Variants in RAB10 observed in about 807,000 individuals in gnomAD.
RAB10 encodes the protein ras-related protein Rab-10.
A neutral mutation model predicts 25.7 loss-of-function variants in RAB10; 5 were observed. The observed-to-expected ratio is 0.19, with a 90% CI of 0.10 to 0.41. The LOEUF is 0.41. Ranked by LOEUF, RAB10 falls within the 10% of genes least tolerant of loss-of-function variation. RAB10 has a pLI of 1.00. For missense variants in RAB10, 103 were observed against 245.8 expected (o/e 0.42, Z 3.89); for synonymous variants, 89 against 86.4 (o/e 1.03, Z -0.16).
chr2:26,040,662 A>G (rs977356845), intron 1 of RAB10, among the ~76,000 whole-genome samples: 3 of 152,112 alleles, frequency 2.0e-5, no homozygotes, highest in Non-Finnish European at 4.4e-5. Flanking sequence ...TGTATGATAA[A>G]ACAAAAACAG....
chr2:26,111,024 G>A (rs1667558132), intron 3 of RAB10, among the ~76,000 whole-genome samples: 1 of 152,126 alleles, frequency 6.6e-6, no homozygotes, highest in Non-Finnish European at 1.5e-5. Flanking sequence ...CTTTTTATAA[G>A]TTAAAATTAT....
rs1302762122 is a variant in RAB10, at chr2:26,059,058, A to T, written c.127+24323A>T. On this transcript the variant is annotated intron_variant, in intron 1 of 5. Transcript: ENST00000264710. ...AATGATTTAATATCTGTTTCTAGTGATCTCTAAATCATAGACCACATTTAA... is the reference window on the plus strand; with the variant it reads ...AATGATTTAATATCTGTTTCTAGTGTTCTCTAAATCATAGACCACATTTAA... 3.9e-5 allele frequency among the ~76,000 whole-genome samples: 6 copies of T among 152,214 alleles called. No individual in the cohort carries two copies. In the East Asian group the frequency reaches 1.2e-3, roughly 29 times the overall value.
chr2:26,068,905 A>G (rs972065503), intron 1 of RAB10, among the ~76,000 whole-genome samples: 1 of 152,196 alleles, frequency 6.6e-6, no homozygotes, highest in Admixed American at 6.5e-5. Flanking sequence ...GTTTTCATGC[A>G]GATTATCTCT....
intron 1 of RAB10, among the ~76,000 whole-genome samples, chr2:26,061,188 C>T (rs1247298001): frequency 6.9e-6 from 1 of 143,944 alleles, no homozygotes; most frequent in Non-Finnish European, 1.5e-5. Context: ...CATCTCAGCT[C>T]ACTGCAACCT....
At chr2:26,089,256 C>A (rs1667053760) in intron 1 of RAB10, among the ~76,000 whole-genome samples, 1 of 151,848 alleles carries the variant, frequency 6.6e-6, no homozygotes, top group African/African-American at 2.4e-5. Flanking sequence ...GAAACCCTGT[C>A]TTTACTAGAA....
At chr2:26,133,022 T>C (rs1668040049) in intron 5 of RAB10, among the ~76,000 whole-genome samples, 1 of 152,186 alleles carries the variant, frequency 6.6e-6, no homozygotes, top group Non-Finnish European at 1.5e-5. Flanking sequence ...GAGGTCTTTT[T>C]AATGCATAAT....
chr2:26,101,290 T>C (rs1667332474), intron 2 of RAB10: 1 of 152,184 alleles, frequency 6.6e-6, no homozygotes, highest in Admixed American at 6.5e-5. Flanking sequence ...CCTAGTTAAT[T>C]CACTATATTT....
At chr2:26,109,627 A>G (rs1667532546) in intron 2 of RAB10, 141 bp from the exon 3 acceptor site, 1 of 775,464 alleles carries the variant, frequency 1.3e-6, no homozygotes. Flanking sequence ...TCAGATTTTC[A>G]TCCAGTATGG....
At position 26,107,223 on chromosome 2, in the gene RAB10, G is replaced by A. The variant is rs192400429; in HGVS notation, c.189-2545G>A. On this transcript the variant is annotated intron_variant, in intron 2 of 5. Coordinates refer to ENST00000264710, the MANE Select transcript of RAB10 (RefSeq NM_016131.5). The stretch of plus-strand genomic sequence containing the variant: ...ATCGTGCCACTACACTCCAGCCTGG[G>A]CAACAGAGCGACACCCTGTTTCAAA... 3.5e-3 allele frequency among the ~76,000 whole-genome samples: 489 copies of A among 140,920 alleles called. 3 individuals are homozygous for A. Among genetic ancestry groups the A allele is most frequent in the African/African-American group, 9.1e-3 (335 of 36,614 alleles). The allele number at this position is 140,920 out of a possible 152,430, so 92.4% of individuals were successfully genotyped here. A position where few individuals can be genotyped will look rare whatever the true frequency, so the allele number is the denominator to read the frequency against.
chr2:26,035,870 T>C (rs1236243494), intron 1 of RAB10, among the ~76,000 whole-genome samples: 1 of 152,218 alleles, frequency 6.6e-6, no homozygotes, highest in Non-Finnish European at 1.5e-5. Flanking sequence ...TTGTGACAAA[T>C]ACCTGCTTCA....
At chr2:26,083,945 T>C (rs1246121077) in intron 1 of RAB10, among the ~76,000 whole-genome samples, 1 of 152,196 alleles carries the variant, frequency 6.6e-6, no homozygotes, top group Non-Finnish European at 1.5e-5. Flanking sequence ...ATGCAAGGCT[T>C]AGACATGGAA....
intron 3 of RAB10, among the ~76,000 whole-genome samples, chr2:26,117,672 T>C: frequency 6.6e-6 from 1 of 150,866 alleles, no homozygotes; most frequent in East Asian, 1.9e-4. Flanking sequence ...ACAAAGTTGT[T>C]AACATGTAAA....
At chr2:26,132,195 C>G (rs528980983) in intron 5 of RAB10, among the ~76,000 whole-genome samples, 2 of 152,342 alleles carry the variant, frequency 1.3e-5, no homozygotes, top group South Asian at 4.1e-4. Context: ...CCCAGTCTAA[C>G]AGGTTAAAAA....
rs562484126 is a variant in RAB10 at position 26,038,954 on chromosome 2, C to T, written c.127+4219C>T. On this transcript the variant is annotated intron_variant, in intron 1 of 5. Transcript: ENST00000264710. ...AAAAAAAAAAAAAAATCTACCATTG[C>T]GTTTAACCAGTGCCGTTCAAAAGAA... Among the ~76,000 whole-genome samples the T allele has an allele frequency of 2.8e-3, 405 of 146,542 alleles. 1 individual carries two copies. Among genetic ancestry groups the T allele is most frequent in the African/African-American group, 9.6e-3 (384 of 39,994 alleles).
chr2:26,047,504 C>T (rs965854327), intron 1 of RAB10, among the ~76,000 whole-genome samples: 1 of 152,084 alleles, frequency 6.6e-6, no homozygotes, highest in African/African-American at 2.4e-5. Context: ...CAACCTCTGC[C>T]TCCCAGGTTC....
At chr2:26,061,092 C>CTTTTTTTT (rs5829993) in intron 1 of RAB10, among the ~76,000 whole-genome samples, 25 of 83,632 alleles carry the variant, frequency 3.0e-4, no homozygotes, top group African/African-American at 6.2e-4. Flanking sequence ...TTATCTCTGT[C>CTTTTTTTT]TTTTTTTTTT....
intron 1 of RAB10, among the ~76,000 whole-genome samples, chr2:26,039,849 T>G (rs1665844988): frequency 6.6e-6 from 1 of 151,760 alleles, no homozygotes; most frequent in African/African-American, 2.4e-5. Flanking sequence ...CCTGTCTGTA[T>G]GAAAAAAAAA....
intron 1 of RAB10, among the ~76,000 whole-genome samples, chr2:26,088,562 A>G (rs1442528561): frequency 6.6e-6 from 1 of 151,798 alleles, no homozygotes. Context: ...CTTTCCTCTC[A>G]TCTCTCAATT....
At chr2:26,113,388 A>G (rs1415538565) in intron 3 of RAB10, among the ~76,000 whole-genome samples, 1 of 152,130 alleles carries the variant, frequency 6.6e-6, no homozygotes, top group Non-Finnish European at 1.5e-5. Flanking sequence ...AGCCTGGCCA[A>G]CATGGTGAAA....
Sources: allele counts gnomAD v4.1 joint callset (sites outside exome capture counted in the v4.1 genomes callset), GRCh38; gene constraint gnomAD v4.1.1; transcripts MANE v1.5; gene names NCBI Gene and HGNC (gene_info 2026-07-23, HGNC 2026-07-21).